The following EPHA5 variants were observed in gnomAD, a reference collection of about 807,000 sequenced individuals.
EPHA5 encodes the protein EPH receptor A5, also known as ephrin type-A receptor 5.
Under a neutral mutation model 105.0 loss-of-function variants are expected in EPHA5, and 60 were observed. That is an observed-to-expected ratio of 0.57 (90% CI 0.46 to 0.71). The LOEUF (loss-of-function observed/expected upper bound fraction) is 0.71. EPHA5 is among the 30% of genes least tolerant of loss of function. The pLI, the probability that EPHA5 is intolerant of heterozygous loss-of-function variation, is 0.00. For synonymous variants in EPHA5, 513 were observed against 449.1 expected, an observed-to-expected ratio of 1.14 and a Z score of -1.80; for missense variants, 1,218 against 1,274.7, an observed-to-expected ratio of 0.96 and a Z score of 0.68.
chr4:65,513,382 G>GT (rs1553930049), intron 3 of EPHA5, among the ~76,000 whole-genome samples: 1 of 151,740 alleles, frequency 6.6e-6, no homozygotes, highest in Non-Finnish European at 1.5e-5. Flanking sequence ...GGGTTTTTTT[G>GT]TTTGTTTTGT....
At chr4:65,574,735 T>TACAC (rs1560718322) in intron 3 of EPHA5, among the ~76,000 whole-genome samples, 111 of 102,252 alleles carry the variant, frequency 1.1e-3, no homozygotes, top group Non-Finnish European at 1.6e-3. Context: ...TATATACATA[T>TACAC]ATATATACAT....
intron 8 of EPHA5, among the ~76,000 whole-genome samples, chr4:65,400,254 C>A (rs867204801): frequency 6.6e-6 from 1 of 152,066 alleles, no homozygotes; most frequent in African/African-American, 2.4e-5. Flanking sequence ...ATAAAAGAGA[C>A]AGATTAAAGG....
intron 7 of EPHA5, among the ~76,000 whole-genome samples, chr4:65,409,789 C>A (rs1722745193): frequency 6.6e-6 from 1 of 152,006 alleles, no homozygotes; most frequent in South Asian, 2.1e-4. Flanking sequence ...GTATGGTAGG[C>A]AAATAAGTGC....
At chr4:65,561,249 T>C in intron 3 of EPHA5, among the ~76,000 whole-genome samples, 1 of 152,068 alleles carries the variant, frequency 6.6e-6, no homozygotes, top group Non-Finnish European at 1.5e-5. Flanking sequence ...AAGATATTAT[T>C]TATCTAAGAA....
chr4:65,666,423 C>T (rs942561515), intron 1 of EPHA5, among the ~76,000 whole-genome samples: 2 of 152,156 alleles, frequency 1.3e-5, no homozygotes, highest in Non-Finnish European at 2.9e-5. Context: ...TGCTTGTTTA[C>T]AAATATATCT....
chr4:65,649,872 T>C (rs1748443795), intron 1 of EPHA5, among the ~76,000 whole-genome samples: 1 of 152,186 alleles, frequency 6.6e-6, no homozygotes, highest in Admixed American at 6.5e-5. Context: ...TTTTCTTACC[T>C]CTCTAGCTAC....
intron 5 of EPHA5, among the ~76,000 whole-genome samples, chr4:65,441,823 A>G (rs898553102): frequency 6.6e-6 from 1 of 152,098 alleles, no homozygotes; most frequent in African/African-American, 2.4e-5. Flanking sequence ...GCTAAATAGA[A>G]TAATTATCAA....
intron 3 of EPHA5, among the ~76,000 whole-genome samples, chr4:65,567,723 C>G (rs1739699295): frequency 6.6e-6 from 1 of 151,536 alleles, no homozygotes; most frequent in South Asian, 2.1e-4. Context: ...AACCAAAGTG[C>G]TTGAGTAGTA....
chr4:65,580,716 A>C (rs964943129), intron 3 of EPHA5, among the ~76,000 whole-genome samples: 3 of 151,834 alleles, frequency 2.0e-5, no homozygotes, highest in African/African-American at 7.2e-5. Flanking sequence ...AAGAGGACAA[A>C]AGTTGAGCAT....
chr4:65,643,497 G>A (rs1747847669), intron 1 of EPHA5, 70 bp from the exon 2 acceptor site: 2 of 1,271,764 alleles, frequency 1.6e-6, no homozygotes, highest in Non-Finnish European at 2.3e-6. Flanking sequence ...TATTTTAATA[G>A]TGTTATTAAA....
chr4:65,492,013 G>T (rs2149217191), intron 4 of EPHA5, among the ~76,000 whole-genome samples: 1 of 152,178 alleles, frequency 6.6e-6, no homozygotes, highest in African/African-American at 2.4e-5. Flanking sequence ...GGAGTATGGT[G>T]GTAGTTGAAT....
intron 3 of EPHA5, among the ~76,000 whole-genome samples, chr4:65,562,499 T>TA (rs1174232675): frequency 6.6e-6 from 1 of 151,836 alleles, no homozygotes; most frequent in African/African-American, 2.4e-5. Context: ...ATAAGAAAAA[T>TA]AAAAATTTTA....
At chr4:65,609,006 C>A (rs997071718) in intron 2 of EPHA5, among the ~76,000 whole-genome samples, 5 of 152,002 alleles carry the variant, frequency 3.3e-5, no homozygotes, top group African/African-American at 1.2e-4. Flanking sequence ...AAATTATGTG[C>A]CCTTGTTGTA....
In EPHA5 at chr4:65,359,097, C is replaced by G. The variant is rs192280068; in HGVS notation, c.2173+5920G>C. Reference sequence around the variant, plus strand: ...AAACACAGTTTCATTTACTAACTGTCAATCTGCAAGTCAGCAAATCTCTTT... The same window carrying G: ...AAACACAGTTTCATTTACTAACTGTGAATCTGCAAGTCAGCAAATCTCTTT... On this transcript the variant is annotated intron_variant, in intron 11 of 16. Transcript: ENST00000613740. Among the ~76,000 whole-genome samples the G allele has an allele frequency of 2.6e-5, 4 of 151,684 alleles. No homozygotes were observed. The East Asian group carries it at 7.8e-4, about 30-fold the overall frequency.
chr4:65,506,472 T>G lies in EPHA5; in HGVS notation c.911-10929A>C, dbSNP rs186750938. Among the ~76,000 whole-genome samples, 35 of 145,450 alleles carry G rather than the reference T, an allele frequency of 2.4e-4. 8 individuals are homozygous for G. The East Asian group carries it at 7.3e-3, about 30-fold the overall frequency. ...GCAGTTTACAGTCCCACCAACAGTG[T>G]AAAAGTGTTCCTATTTCTCCGCATC... On this transcript the variant is annotated intron_variant, in intron 3 of 16. Coordinates refer to ENST00000613740, the MANE Select transcript of EPHA5 (RefSeq NM_001281766.3).
intron 3 of EPHA5, among the ~76,000 whole-genome samples, chr4:65,510,208 G>GTT (rs36099511): frequency 2.0e-4 from 1 of 4,950 alleles, no homozygotes; most frequent in African/African-American, 4.2e-4. Flanking sequence ...CTAATTTTGT[G>GTT]TTTTTTTTTT....
chr4:65,409,905 A>G (rs1013880456), intron 7 of EPHA5, among the ~76,000 whole-genome samples: 2 of 152,208 alleles, frequency 1.3e-5, no homozygotes, highest in Non-Finnish European at 2.9e-5. Context: ...AAATAATGAC[A>G]ATTCCAAATG....
chr4:65,507,479 T>G (rs575848863), intron 3 of EPHA5, among the ~76,000 whole-genome samples: 1 of 152,172 alleles, frequency 6.6e-6, no homozygotes, highest in Non-Finnish European at 1.5e-5. Flanking sequence ...TTTCACGATA[T>G]TGATGCTTCC....
intron 3 of EPHA5, among the ~76,000 whole-genome samples, chr4:65,513,154 A>G (rs1162018788): frequency 2.0e-5 from 3 of 152,182 alleles, no homozygotes; most frequent in African/African-American, 7.2e-5. Context: ...CTCTACCCAC[A>G]TTTTAGGACC....
Sources: gnomAD v4.1 joint callset for allele counts (sites outside exome capture counted in the v4.1 genomes callset) on GRCh38, gnomAD v4.1.1 for gene constraint, MANE v1.5 for transcripts, NCBI Gene and HGNC (gene_info 2026-07-23, HGNC 2026-07-21) for gene names.